Variants in ANXA8 observed in about 807,000 individuals in gnomAD.
The protein encoded by ANXA8 is annexin A8, also known as VAC-beta.
Under a neutral mutation model 26.8 loss-of-function variants are expected in ANXA8, and 9 were observed. That is an observed-to-expected ratio of 0.34 (90% confidence interval 0.20 to 0.59). The LOEUF is 0.59. Ranked by LOEUF, ANXA8 falls within the 20% of genes least tolerant of loss-of-function variation. The pLI is 0.84. For missense variants in ANXA8, 83 were observed against 238.5 expected (o/e 0.35, Z 4.29); for synonymous variants, 39 against 94.8 (o/e 0.41, Z 3.42).
At chr10:47,695,915 T>C in the ANXA8 span, among the ~76,000 whole-genome samples, 1 of 151,816 alleles carries the variant, frequency 6.6e-6, no homozygotes, top group East Asian at 1.9e-4. Context: ...TTTTAACTTG[T>C]GTGGAAGATA....
chr10:47,932,204 G>A, the ANXA8 span, among the ~76,000 whole-genome samples: 1 of 150,688 alleles, frequency 6.6e-6, no homozygotes, highest in Non-Finnish European at 1.5e-5. Context: ...CCTTGAACTT[G>A]CAGCCTCCAG....
chr10:47,761,105 CA>C, the ANXA8 span, among the ~76,000 whole-genome samples: 1 of 85,608 alleles, frequency 1.2e-5, no homozygotes, highest in Non-Finnish European at 2.6e-5. Context: ...CACACACGCA[CA>C]CACACACACA....
At chr10:47,700,475 G>C in the ANXA8 span, among the ~76,000 whole-genome samples, 1 of 151,332 alleles carries the variant, frequency 6.6e-6, no homozygotes. Flanking sequence ...AATTGGACAC[G>C]TATCTCACAA....
the ANXA8 span, among the ~76,000 whole-genome samples, chr10:47,764,109 C>T: frequency 3.2e-3 from 478 of 151,546 alleles, 6 homozygotes; most frequent in Middle Eastern, 6.9e-3. Flanking sequence ...GAGACCCAGG[C>T]CACTTCACCC....
At position 47,484,049 on chromosome 10, in the gene ANXA8, G is replaced by A. The variant is rs2132439657; in HGVS notation, c.-116C>T. The stretch of plus-strand genomic sequence containing the variant: ...AGGAGTGAGCAGGCCGCTCACTTGG[G>A]TGTGGGGGTGCAAGCCCGCCCAGGG... On this transcript the variant is annotated 5_prime_UTR_variant, in exon 1 of 12. Coordinates refer to ENST00000585281, the MANE Select transcript of ANXA8 (RefSeq NM_001040084.3). The A allele has an allele frequency of 6.2e-7, 1 of 1,610,692 alleles. No homozygotes were observed. Among genetic ancestry groups the A allele is most frequent in the East Asian group, 2.2e-5 (1 of 44,846 alleles).
chr10:47,574,109 CTTT>C, the ANXA8 span, among the ~76,000 whole-genome samples: 2,569 of 25,482 alleles, frequency 0.1, 245 homozygotes, highest in African/African-American at 0.39. Context: ...AGTTTAACCT[CTTT>C]TTTTTTTTTT....
At chr10:47,507,681 C>T in the ANXA8 span, 4 of 1,376,356 alleles carry the variant, frequency 2.9e-6, 1 homozygote, top group African/African-American at 3.2e-5. Context: ...TCCTAGCGGC[C>T]CTGAAATTCA....
At chr10:47,946,245 C>T in the ANXA8 span, among the ~76,000 whole-genome samples, 1 of 148,782 alleles carries the variant, frequency 6.7e-6, no homozygotes, top group Non-Finnish European at 1.5e-5. Flanking sequence ...CCAGTAAAAT[C>T]TGCTGTAATA....
intron 1 of ANXA8, among the ~76,000 whole-genome samples, chr10:47,481,562 A>C (rs1353878305): frequency 7.3e-5 from 11 of 151,012 alleles, no homozygotes; most frequent in Non-Finnish European, 1.6e-4. Context: ...CTGCCCCAGC[A>C]CTCGGGGGCT....
chr10:47,554,752 C>T, the ANXA8 span, among the ~76,000 whole-genome samples: 1 of 152,068 alleles, frequency 6.6e-6, no homozygotes, highest in Non-Finnish European at 1.5e-5. Flanking sequence ...CAGCAGCCCC[C>T]AGGTATTCAC....
the ANXA8 span, among the ~76,000 whole-genome samples, chr10:47,958,511 T>A: frequency 6.8e-6 from 1 of 147,006 alleles, no homozygotes; most frequent in Admixed American, 6.7e-5. Context: ...CACCACTGGC[T>A]CCCTGGGCCA....
the ANXA8 span, among the ~76,000 whole-genome samples, chr10:47,579,805 C>A: frequency 9.1e-6 from 1 of 110,388 alleles, no homozygotes; most frequent in African/African-American, 3.4e-5. Flanking sequence ...GATTTTAAGC[C>A]AAAAACTGTT....
At chr10:47,595,035 A>G in the ANXA8 span, among the ~76,000 whole-genome samples, 4 of 149,102 alleles carry the variant, frequency 2.7e-5, no homozygotes, top group East Asian at 7.7e-4. Flanking sequence ...AACACTACCT[A>G]CAAAGGGAAC....
the ANXA8 span, among the ~76,000 whole-genome samples, chr10:47,947,645 A>G: frequency 6.6e-6 from 1 of 150,806 alleles, no homozygotes; most frequent in South Asian, 2.1e-4. Flanking sequence ...CTGCTCCGCC[A>G]TGTGAAGGAT....
At chr10:47,581,795 C>T in the ANXA8 span, among the ~76,000 whole-genome samples, 11 of 150,600 alleles carry the variant, frequency 7.3e-5, no homozygotes, top group South Asian at 2.1e-4. Context: ...TTAGTAGAGA[C>T]GGGGTTTCAC....
the ANXA8 span, among the ~76,000 whole-genome samples, chr10:47,639,277 C>T: frequency 6.8e-6 from 1 of 146,932 alleles, no homozygotes; most frequent in Non-Finnish European, 1.5e-5. Context: ...GGACCACAGG[C>T]GCCTGCTACC....
chr10:47,945,282 G>A, the ANXA8 span, among the ~76,000 whole-genome samples: 2 of 149,938 alleles, frequency 1.3e-5, no homozygotes, highest in Non-Finnish European at 3.0e-5. Context: ...TCCAGTGCCA[G>A]CACAGAGAGT....
chr10:47,535,188 G>GA, the ANXA8 span, among the ~76,000 whole-genome samples: 1 of 133,482 alleles, frequency 7.5e-6, no homozygotes, highest in African/African-American at 3.3e-5. Flanking sequence ...TGGCCAGGCT[G>GA]TTCTCAAACT....
At chr10:47,581,493 CTG>C in the ANXA8 span, 1 of 553,354 alleles carries the variant, frequency 1.8e-6, no homozygotes, top group African/African-American at 2.0e-5. Context: ...CATTGTGAAG[CTG>C]TGTTTCCCTT....
Sources: gnomAD v4.1 joint callset for allele counts (sites outside exome capture counted in the v4.1 genomes callset) on GRCh38, gnomAD v4.1.1 for gene constraint, MANE v1.5 for transcripts, NCBI Gene and HGNC (gene_info 2026-07-23, HGNC 2026-07-21) for gene names.